The following ZFTA variants were observed in gnomAD, a reference collection of about 807,000 sequenced individuals.
The protein encoded by ZFTA is zinc finger translocation associated.
Under a neutral mutation model 41.8 loss-of-function variants are expected in ZFTA, and 35 were observed. The ratio of observed to expected loss-of-function variants is 0.84; its 90% CI spans 0.64 to 1.11. ZFTA has a LOEUF of 1.11. Ranked by LOEUF, ZFTA falls within the 50% of genes most tolerant of loss-of-function variation. The probability of loss-of-function intolerance (pLI) is 0.00; values close to 1 mark genes in which losing one functional copy is unlikely to be tolerated. For missense variants in ZFTA, 964 were observed against 989.8 expected (o/e 0.97, Z 0.35); for synonymous variants, 514 against 436.4 (o/e 1.18, Z -2.22).
chr11:63,764,321 C>G lies in ZFTA; in HGVS notation c.1302G>C (p.Arg434=), dbSNP rs1202978669. Residue 434 remains arginine (R), a synonymous_variant, in exon 4 of 5, where the codon CGG becomes CGC. Transcript: ENST00000433688. ...CGCACACCCCGCACACCAGGCCGCGCCGGCCGCCGTCCAACTCCATGAGGT... is the reference window on the plus strand; with the variant it reads ...CGCACACCCCGCACACCAGGCCGCGGCGGCCGCCGTCCAACTCCATGAGGT... ...LEYLMELDGG[R]RGLVCGVCGG... 1.7e-5 allele frequency: 23 copies of G among 1,382,458 alleles called. No homozygotes were observed. Among genetic ancestry groups the G allele is most frequent in the Non-Finnish European group, 2.1e-5 (23 of 1,073,480 alleles). The allele number at this position is 1,382,458 out of a possible 1,614,324, so 85.6% of individuals were successfully genotyped here.
rs2014600290 is a variant in ZFTA, at chr11:63,760,313, TC to T, written c.*3104del. 1 of 152,186 alleles carries T rather than the reference TC, an allele frequency of 6.6e-6. No individual in the cohort carries two copies. 9.4% of individuals were successfully genotyped at this position (152,186 alleles called of 1,614,324 possible). A position where few individuals can be genotyped will look rare whatever the true frequency, so the allele number is the denominator to read the frequency against. On this transcript the variant is annotated 3_prime_UTR_variant, in exon 5 of 5. Coordinates refer to ENST00000433688, the MANE Select transcript of ZFTA (RefSeq NM_001144936.2). ...GTCTTCATTGAAAGAACTTGAGTGG[TC>T]ACCTGTGATTAGCTCTTCTCCTAAA...
Position 63,764,471 on chromosome 11 carries a change from C to T in ZFTA, c.1152G>A (p.Arg384=). The T allele has an allele frequency of 7.9e-7, 1 of 1,263,922 alleles. No individual in the cohort carries two copies. The highest frequency in any genetic ancestry group is 1.0e-6 in the Non-Finnish European group (1 of 1,000,910). 78.3% of individuals were successfully genotyped at this position (1,263,922 alleles called of 1,614,324 possible). Residue 384 remains arginine (R), a synonymous_variant, in exon 4 of 5, where the codon AGG becomes AGA. Transcript: ENST00000433688. The stretch of plus-strand genomic sequence containing the variant: ...CCTCCTCCTCCTCTGCGGGCCCGGG[C>T]CTCTCAGGGACCCAGCCAGCCTCTT... ...VKEEAGWVPE[R]PGPAEEEEEL... is the part of the protein sequence containing the mutation.
At position 63,765,318 on chromosome 11, in the gene ZFTA, G is replaced by A; in HGVS notation, c.638-64C>T. On this transcript the variant is annotated intron_variant, in intron 2 of 4. Coordinates refer to ENST00000433688, the MANE Select transcript of ZFTA (RefSeq NM_001144936.2). This position sits in a 1 kb window ranked among gnomAD's most constrained non-coding sequence, Gnocchi z 4.0. The stretch of plus-strand genomic sequence containing the variant: ...CACGGGAGCATACCCACTACAGCCA[G>A]GTCTCCCACAAGCCTCTCACTCACT... The A allele has an allele frequency of 1.4e-6, 2 of 1,402,724 alleles. No individual in the cohort carries two copies. Among genetic ancestry groups the A allele is most frequent in the South Asian group, 3.1e-5 (2 of 64,344 alleles). 86.9% of individuals were successfully genotyped at this position (1,402,724 alleles called of 1,614,324 possible).
Position 63,763,798 on chromosome 11 carries a change from G to C in ZFTA, c.1657C>G (p.Gln553Glu), listed in dbSNP as rs2014693919. 1 of 1,453,964 alleles carries C rather than the reference G, an allele frequency of 6.9e-7. No homozygotes were observed. The highest frequency in any genetic ancestry group is 2.8e-5 in the Admixed American group (1 of 35,732). The allele number at this position is 1,453,964 out of a possible 1,614,324, so 90.1% of individuals were successfully genotyped here. Residue 553 changes from glutamine (Q) to glutamate (E), a missense_variant, in exon 5 of 5, where the codon CAG (glutamine) becomes GAG (glutamate). Gln to Glu is a conservative substitution (Grantham distance 29). Around this residue, in one of 5 missense-constraint regions of ZFTA, gnomAD observed 584 missense variants for 523.1 expected, o/e 1.12. Transcript: ENST00000433688. ...GGCAAGGCGAGTCCCCCAGGCTCCTGGCCGTCCTCTTCGTCCTCCTCTTCT... is the reference window on the plus strand; with the variant it reads ...GGCAAGGCGAGTCCCCCAGGCTCCTCGCCGTCCTCTTCGTCCTCCTCTTCT... The part of the protein sequence containing the change: ...AEEEEDEEDG[Q>E]EPGGLALPPP...
rs2014678880 is a variant in ZFTA, at chr11:63,763,261, A to G, written c.*157T>C. On this transcript the variant is annotated 3_prime_UTR_variant, in exon 5 of 5. Coordinates refer to ENST00000433688, the MANE Select transcript of ZFTA (RefSeq NM_001144936.2). ...GCGCAGACGCCGGTGGCCCCACCCG[A>G]TCCCCCGTCTCCGCCCGGCCCGGCC... 3 of 390,836 alleles carry G rather than the reference A, an allele frequency of 7.7e-6. No individual in the cohort carries two copies. Among genetic ancestry groups the G allele is most frequent in the Admixed American group, 5.7e-5 (1 of 17,496 alleles). 24.2% of individuals were successfully genotyped at this position (390,836 alleles called of 1,614,324 possible). A position where few individuals can be genotyped will look rare whatever the true frequency, so the allele number is the denominator to read the frequency against.
At chr11:63,768,144 T>A (rs925164584) in intron 1 of ZFTA, among the ~76,000 whole-genome samples, 1 of 151,466 alleles carries the variant, frequency 6.6e-6, no homozygotes, top group African/African-American at 2.4e-5. Context: ...CACCTGGGAG[T>A]CTGAAAGAGA....
rs2014784063 is a variant in ZFTA, at chr11:63,768,510, C to G, written c.113G>C (p.Ser38Thr). 1 of 1,207,672 alleles carries G rather than the reference C, an allele frequency of 8.3e-7. No individual in the cohort carries two copies. The highest frequency in any genetic ancestry group is 1.6e-5 in the African/African-American group (1 of 60,854). 74.8% of individuals were successfully genotyped at this position (1,207,672 alleles called of 1,614,324 possible). Residue 38 changes from serine (S) to threonine (T), a missense_variant, in exon 1 of 5, where the codon AGC becomes ACC. By Grantham distance (58) the Ser-to-Thr change is moderately conservative. Around this residue, in one of 5 missense-constraint regions of ZFTA, gnomAD observed 111 missense variants for 93.2 expected, o/e 1.19. Transcript: ENST00000433688. ...RRLPPAGSSG[S>T]AEPEEDEGGQ... ...GCCTTCGTCTTCCTCTGGCTCCGCG[C>G]TGCCGCTCGATCCGGCGGGCGGCAG...
In ZFTA at chr11:63,763,414, G is replaced by C. The variant is rs1476784887; in HGVS notation, c.*4C>G. The C allele has an allele frequency of 7.7e-7, 1 of 1,301,246 alleles. No individual in the cohort carries two copies. Among genetic ancestry groups the C allele is most frequent in the African/African-American group, 1.6e-5 (1 of 62,828 alleles). 80.6% of individuals were successfully genotyped at this position (1,301,246 alleles called of 1,614,324 possible). A position where few individuals can be genotyped will look rare whatever the true frequency, so the allele number is the denominator to read the frequency against. Reference sequence around the variant, plus strand: ...CCGACCTGACCCGGGGGCCCGCTAGGCCGCTACGCCCGACACACAGCGCCA... The same window carrying C: ...CCGACCTGACCCGGGGGCCCGCTAGCCCGCTACGCCCGACACACAGCGCCA... On this transcript the variant is annotated 3_prime_UTR_variant, in exon 5 of 5. Transcript: ENST00000433688.
At chr11:63,767,903 GC>G (rs972090468) in intron 1 of ZFTA, among the ~76,000 whole-genome samples, 6 of 152,332 alleles carry the variant, frequency 3.9e-5, no homozygotes, top group African/African-American at 1.2e-4. Flanking sequence ...AAAACTGCCC[GC>G]GGTGGGAAAA....
In ZFTA at chr11:63,760,678, C is replaced by T. The variant is rs77887807; in HGVS notation, c.*2740G>A. ...CGTCTAACCTGTGAGGCCATAACTT[C>T]CATCAAAGCAGGAATCAATGGAATC... is the stretch of plus-strand genomic sequence containing the variant. On this transcript the variant is annotated 3_prime_UTR_variant, in exon 5 of 5. Transcript: ENST00000433688. 0.018 allele frequency: 2,672 copies of T among 152,328 alleles called. 32 individuals are homozygous for T. Among genetic ancestry groups the T allele is most frequent in the Non-Finnish European group, 0.022 (1,463 of 68,040 alleles). 9.4% of individuals were successfully genotyped at this position (152,328 alleles called of 1,614,324 possible).
In ZFTA at chr11:63,763,552, C is replaced by T; in HGVS notation, c.1903G>A (p.Glu635Lys). 6.5e-7 allele frequency: 1 copy of T among 1,547,654 alleles called. No homozygotes were observed. ...TAGGCCTCCAGGATAGTCTGGCGCTCCTCAGGCGTGAAGTCCATGGAGAAG... is the reference window on the plus strand; with the variant it reads ...TAGGCCTCCAGGATAGTCTGGCGCTTCTCAGGCGTGAAGTCCATGGAGAAG... ...HPFSMDFTPE[E>K]RQTILEAYEE... Residue 635 changes from glutamate to lysine, a missense_variant, in exon 5 of 5, where the codon GAG (glutamate) becomes AAG (lysine). Around this residue, in one of 5 missense-constraint regions of ZFTA, gnomAD observed 63 missense variants for 97.8 expected, o/e 0.64. Transcript: ENST00000433688.
At chr11:63,766,383 G>A in intron 1 of ZFTA, 79 bp from the exon 2 acceptor site, 2 of 1,395,480 alleles carry the variant, frequency 1.4e-6, no homozygotes, top group Non-Finnish European at 9.3e-7. Flanking sequence ...GGTGAGCCCT[G>A]AGAAAGGGAG....
In ZFTA at chr11:63,768,568, CG is replaced by C. The variant is rs1390349732; in HGVS notation, c.54del (p.Pro20GlnfsTer95). Reference protein sequence around the residue: ...RSRSSGGRGGPGPAVASARGR... With the variant: ...RSRSSGGRGGXGPAVASARGR... ...CCCCGTGCCGAGGCCACTGCTGGCC[CG>C]GGGCCGCCCCTGCCGCCGCTGCTCC... is the stretch of plus-strand genomic sequence containing the variant. On this transcript the variant is annotated frameshift_variant, in exon 1 of 5. Transcript: ENST00000433688. LOFTEE classifies it high-confidence loss of function. The C allele has an allele frequency of 2.8e-6, 3 of 1,072,486 alleles. No individual in the cohort carries two copies. Among genetic ancestry groups the C allele is most frequent in the South Asian group, 3.7e-5 (1 of 27,004 alleles). 66.4% of individuals were successfully genotyped at this position (1,072,486 alleles called of 1,614,324 possible).
chr11:63,765,228 G>A lies in ZFTA; in HGVS notation c.664C>T (p.Arg222Trp). 2 of 1,459,454 alleles carry A rather than the reference G, an allele frequency of 1.4e-6. No homozygotes were observed. Among genetic ancestry groups the A allele is most frequent in the Non-Finnish European group, 1.8e-6 (2 of 1,112,458 alleles). 90.4% of individuals were successfully genotyped at this position (1,459,454 alleles called of 1,614,324 possible). The change falls in exon 3 of 5, where the codon CGG becomes TGG. Residue 222 changes from arginine to tryptophan, a missense_variant. Coordinates refer to ENST00000433688, the MANE Select transcript of ZFTA (RefSeq NM_001144936.2). The surrounding 1 kb of genome is among the most constrained non-coding windows in gnomAD (Gnocchi z 4.0). ...PGKAPAGGGC[R>W]RQRRGGPVAP... ...ACTGGGCCCCCTCGCCGCTGGCGCC[G>A]GCAGCCCCCACCAGCTGGGGCTTTG...
rs1364223671 is a variant in ZFTA, at chr11:63,760,101, C to T, written c.*3317G>A. The T allele has an allele frequency of 6.6e-6, 1 of 152,140 alleles. No homozygotes were observed. Among genetic ancestry groups the T allele is most frequent in the Non-Finnish European group, 1.5e-5 (1 of 68,020 alleles). The allele number at this position is 152,140 out of a possible 1,614,324, so 9.4% of individuals were successfully genotyped here. A position where few individuals can be genotyped will look rare whatever the true frequency, so the allele number is the denominator to read the frequency against. ...TGATCTCTGAAAGAAAATAAGAGAC[C>T]CTCTAAGAGGTGGTGACCTTAGAAG... On this transcript the variant is annotated 3_prime_UTR_variant, in exon 5 of 5. Coordinates refer to ENST00000433688, the MANE Select transcript of ZFTA (RefSeq NM_001144936.2).
At position 63,763,110 on chromosome 11, in the gene ZFTA, A is replaced by C; in HGVS notation, c.*308T>G. ...GGTGCGGCCGGGAGCGCTCGGCGCT[A>C]ACACGTGGAGGCCACTGAGGATTCT... is the stretch of plus-strand genomic sequence containing the variant. On this transcript the variant is annotated 3_prime_UTR_variant, in exon 5 of 5. Coordinates refer to ENST00000433688, the MANE Select transcript of ZFTA (RefSeq NM_001144936.2). 1 of 164,426 alleles carries C rather than the reference A, an allele frequency of 6.1e-6. No individual in the cohort carries two copies. Among genetic ancestry groups the C allele is most frequent in the Non-Finnish European group, 1.3e-5 (1 of 75,620 alleles). The allele number at this position is 164,426 out of a possible 1,614,324, so 10.2% of individuals were successfully genotyped here.
rs533964304 is a variant in ZFTA at position 63,762,259 on chromosome 11, T to G, written c.*1159A>C. 1 of 152,232 alleles carries G rather than the reference T, an allele frequency of 6.6e-6. No homozygotes were observed. The highest frequency in any genetic ancestry group is 2.4e-5 in the African/African-American group (1 of 41,498). The allele number at this position is 152,232 out of a possible 1,614,324, so 9.4% of individuals were successfully genotyped here. On this transcript the variant is annotated 3_prime_UTR_variant, in exon 5 of 5. Transcript: ENST00000433688. ...TAAGACATTTGCACATAAGGGTGAC[T>G]GGGTCAGCTCTGTCCCCGCCCCTCC... is the stretch of plus-strand genomic sequence containing the variant.
In ZFTA at chr11:63,763,229, T is replaced by C. The variant is rs547196636; in HGVS notation, c.*189A>G. The C allele has an allele frequency of 1.6e-5, 4 of 248,664 alleles. No homozygotes were observed. The highest frequency in any genetic ancestry group is 2.3e-5 in the African/African-American group (1 of 42,890). The allele number at this position is 248,664 out of a possible 1,614,324, so 15.4% of individuals were successfully genotyped here. The stretch of plus-strand genomic sequence containing the variant: ...GCACCGACTGGCTCAGGGACCCAAG[T>C]GGCACCGCGCAGACGCCGGTGGCCC... On this transcript the variant is annotated 3_prime_UTR_variant, in exon 5 of 5. Transcript: ENST00000433688.
Position 63,768,514 on chromosome 11 carries a change from C to T in ZFTA, c.109G>A (p.Gly37Ser), listed in dbSNP as rs914359816. 2 of 1,203,552 alleles carry T rather than the reference C, an allele frequency of 1.7e-6. No individual in the cohort carries two copies. Among genetic ancestry groups the T allele is most frequent in the Admixed American group, 3.8e-5 (1 of 26,188 alleles). 74.6% of individuals were successfully genotyped at this position (1,203,552 alleles called of 1,614,324 possible). A position where few individuals can be genotyped will look rare whatever the true frequency, so the allele number is the denominator to read the frequency against. The change falls in exon 1 of 5, where the codon GGC becomes AGC. Residue 37 changes from glycine (G) to serine (S), a missense_variant. Around this residue, in one of 5 missense-constraint regions of ZFTA, gnomAD observed 111 missense variants for 93.2 expected, o/e 1.19. Transcript: ENST00000433688. The stretch of plus-strand genomic sequence containing the variant: ...TCGTCTTCCTCTGGCTCCGCGCTGC[C>T]GCTCGATCCGGCGGGCGGCAGCCGT... ...GRRLPPAGSS[G>S]SAEPEEDEGG... is the part of the protein sequence containing the mutation.
Sources: gnomAD v4.1 joint callset for allele counts (sites outside exome capture counted in the v4.1 genomes callset) on GRCh38, gnomAD v4.1.1 for gene constraint, gnomAD v4.1.1 regional missense constraint, Gnocchi (gnomAD v3.1) non-coding constraint, MANE v1.5 for transcripts, NCBI Gene and HGNC (gene_info 2026-07-23, HGNC 2026-07-21) for gene names.